Variants in ITCH observed in about 807,000 individuals in gnomAD.
The protein encoded by ITCH is itchy E3 ubiquitin protein ligase.
In ITCH, 28 loss-of-function variants were observed where a neutral mutation model predicts 126.8. That is an observed-to-expected ratio of 0.22 (90% confidence interval 0.16 to 0.30). The LOEUF (loss-of-function observed/expected upper bound fraction) is 0.30, where lower values mean the gene tolerates loss of function less well. ITCH is among the 10% of genes least tolerant of loss of function. The pLI is 1.00. For missense variants in ITCH, 631 were observed against 1,032.4 expected, an observed-to-expected ratio of 0.61 and a Z score of 5.33; for synonymous variants, 342 against 340.0, an observed-to-expected ratio of 1.01 and a Z score of -0.06.
intron 23 of ITCH, among the ~76,000 whole-genome samples, chr20:34,499,487 GT>G (rs941076939): frequency 2.0e-5 from 3 of 151,280 alleles, no homozygotes; most frequent in Non-Finnish European, 2.9e-5. Context: ...TTGGTGTGTA[GT>G]TCATAATAAT....
At position 34,452,804 on chromosome 20, in the gene ITCH, C is replaced by T. The variant is rs183114186; in HGVS notation, c.1210+3324C>T. Among the ~76,000 whole-genome samples the T allele has an allele frequency of 4.6e-5, 7 of 152,270 alleles. No individual in the cohort carries two copies. In the East Asian group the frequency reaches 9.6e-4, roughly 21 times the overall value. On this transcript the variant is annotated intron_variant, in intron 12 of 24. Transcript: ENST00000374864. ...AGCAATGCCTCAGCCTCCTGAGTAG[C>T]TGGAATTACAGTTTTGTGCCACGAT...
chr20:34,370,003 G>A (rs983151165), intron 2 of ITCH, among the ~76,000 whole-genome samples: 2 of 151,668 alleles, frequency 1.3e-5, no homozygotes, highest in African/African-American at 2.4e-5. Context: ...TGATTGGGAG[G>A]GTGACATGGG....
chr20:34,366,226 A>AAGG (rs1418529207), intron 1 of ITCH, among the ~76,000 whole-genome samples: 3 of 152,194 alleles, frequency 2.0e-5, no homozygotes, highest in African/African-American at 7.2e-5. Flanking sequence ...AGAAAGGTTA[A>AAGG]AGGAAGCAAG....
chr20:34,490,814 C>T (rs2146513222), intron 22 of ITCH, among the ~76,000 whole-genome samples: 1 of 152,218 alleles, frequency 6.6e-6, no homozygotes. Flanking sequence ...ACATAAGATC[C>T]AGGAATTCCA....
chr20:34,415,056 G>A (rs1253892324), intron 6 of ITCH, among the ~76,000 whole-genome samples: 1 of 152,130 alleles, frequency 6.6e-6, no homozygotes, highest in Non-Finnish European at 1.5e-5. Context: ...ACTTCCTAAT[G>A]TGTTAAGTGT....
Position 34,500,916 on chromosome 20 carries a change from C to T in ITCH, c.2417-3415C>T, listed in dbSNP as rs530068626. Among the ~76,000 whole-genome samples, 9 of 152,222 alleles carry T rather than the reference C, an allele frequency of 5.9e-5. No homozygotes were observed. The South Asian group carries it at 1.5e-3, about 25-fold the overall frequency. On this transcript the variant is annotated intron_variant, in intron 23 of 24. Transcript: ENST00000374864. Reference sequence around the variant, plus strand: ...CTTTTCACTTCCAGATGTGGGAGTCCGTTGAGCATTTTTCATAAGGTGATG... The same window carrying T: ...CTTTTCACTTCCAGATGTGGGAGTCTGTTGAGCATTTTTCATAAGGTGATG...
intron 4 of ITCH, among the ~76,000 whole-genome samples, chr20:34,409,032 C>T (rs930183341): frequency 1.3e-5 from 2 of 149,948 alleles, no homozygotes; most frequent in African/African-American, 4.9e-5. Context: ...GATGATATTG[C>T]TCTTGTCACT....
At chr20:34,498,426 C>T (rs1299044163) in intron 23 of ITCH, among the ~76,000 whole-genome samples, 1 of 152,106 alleles carries the variant, frequency 6.6e-6, no homozygotes, top group African/African-American at 2.4e-5. Context: ...GGAGGAAAAG[C>T]TTTTAGTTTT....
intron 7 of ITCH, among the ~76,000 whole-genome samples, chr20:34,431,611 C>A (rs1052788973): frequency 3.3e-5 from 5 of 151,990 alleles, no homozygotes; most frequent in African/African-American, 4.8e-5. Flanking sequence ...AAAAGGAGAA[C>A]AAGAACACAA....
At chr20:34,499,307 G>A (rs1369791741) in intron 23 of ITCH, among the ~76,000 whole-genome samples, 2 of 9,652 alleles carry the variant, frequency 2.1e-4, no homozygotes, top group Non-Finnish European at 6.7e-4. Flanking sequence ...TTTTTTTTTT[G>A]AGACAGTCTT....
intron 23 of ITCH, among the ~76,000 whole-genome samples, chr20:34,497,073 C>T (rs1989935841): frequency 6.6e-6 from 1 of 151,614 alleles, no homozygotes; most frequent in South Asian, 2.1e-4. Context: ...CTCGGCTCCC[C>T]ACAACCTCCG....
chr20:34,464,183 T>A (rs1254948792), intron 14 of ITCH, among the ~76,000 whole-genome samples: 2 of 148,846 alleles, frequency 1.3e-5, no homozygotes. Flanking sequence ...AGAGACGGGG[T>A]TTCACCACAT....
At chr20:34,371,279 CTTTTTTTT>C (rs770951963) in intron 2 of ITCH, among the ~76,000 whole-genome samples, 2 of 118,482 alleles carry the variant, frequency 1.7e-5, no homozygotes, top group Admixed American at 9.1e-5. Flanking sequence ...ATCACTTCTT[CTTTTTTTT>C]TTTTTTTTTT....
chr20:34,477,553 G>T (rs1040825293), intron 16 of ITCH, among the ~76,000 whole-genome samples: 2 of 151,836 alleles, frequency 1.3e-5, no homozygotes, highest in South Asian at 4.2e-4. Context: ...ATAAAATCAC[G>T]TGTATAAGGT....
At chr20:34,400,675 T>C (rs2038849873) in intron 3 of ITCH, among the ~76,000 whole-genome samples, 1 of 135,650 alleles carries the variant, frequency 7.4e-6, no homozygotes, top group Non-Finnish European at 1.5e-5. Flanking sequence ...TGAGACAGTT[T>C]CGTTCTGTCG....
At chr20:34,373,462 G>T (rs2037717836) in intron 2 of ITCH, among the ~76,000 whole-genome samples, 1 of 152,040 alleles carries the variant, frequency 6.6e-6, no homozygotes, top group Non-Finnish European at 1.5e-5. Context: ...TTTTACTAGA[G>T]ATGGGGTTTC....
Position 34,438,456 on chromosome 20 carries a change from T to C in ITCH, c.522-18T>C, listed in dbSNP as rs780402422. 1.2e-6 allele frequency: 2 copies of C among 1,613,574 alleles called. No homozygotes were observed. The highest frequency in any genetic ancestry group is 8.5e-7 in the Non-Finnish European group (1 of 1,179,620). The stretch of plus-strand genomic sequence containing the variant: ...ATTATTTCCCTCTCCCCCTTCCTTT[T>C]CCCCTCTTCTTACCCAGAGTGAGCA... On this transcript the variant is annotated intron_variant, in intron 7 of 24. Transcript: ENST00000374864.
intron 1 of ITCH, among the ~76,000 whole-genome samples, chr20:34,368,217 C>T (rs2037490013): frequency 6.6e-6 from 1 of 151,374 alleles, no homozygotes; most frequent in South Asian, 2.1e-4. Context: ...TTGCAGTGAG[C>T]TGAGATTGTG....
intron 9 of ITCH, chr20:34,441,745 C>G: frequency 9.6e-6 from 2 of 208,078 alleles, no homozygotes; most frequent in East Asian, 2.3e-4. Flanking sequence ...ACCATCATGC[C>G]CAGCTAATTT....
Sources: allele counts gnomAD v4.1 joint callset (sites outside exome capture counted in the v4.1 genomes callset), GRCh38; gene constraint gnomAD v4.1.1; transcripts MANE v1.5; gene names NCBI Gene and HGNC (gene_info 2026-07-23, HGNC 2026-07-21).